Variants in LDLRAD4 observed in about 807,000 individuals in gnomAD.
LDLRAD4 encodes the protein low density lipoprotein receptor class A domain containing 4, also known as low-density lipoprotein receptor class A domain-containing protein 4.
A neutral mutation model predicts 17.0 loss-of-function variants in LDLRAD4; 5 were observed. The observed-to-expected ratio is 0.29, with a 90% CI of 0.15 to 0.62. The LOEUF (loss-of-function observed/expected upper bound fraction) is 0.62, where lower values mean the gene tolerates loss of function less well. Ranked by LOEUF, LDLRAD4 falls within the 20% of genes least tolerant of loss-of-function variation. The probability of loss-of-function intolerance (pLI) is 0.84; values close to 1 mark genes in which losing one functional copy is unlikely to be tolerated. For synonymous variants in LDLRAD4, 168 were observed against 171.8 expected (o/e 0.98, Z 0.17); for missense variants, 340 against 424.7 (o/e 0.80, Z 1.75).
intron 1 of LDLRAD4, among the ~76,000 whole-genome samples, chr18:13,253,812 A>G (rs2043354270): frequency 6.6e-6 from 1 of 152,180 alleles, no homozygotes; most frequent in East Asian, 1.9e-4. Flanking sequence ...TGGCCCTCAG[A>G]TGTCACTGAA....
chr18:13,460,812 T>G (rs760890323), intron 3 of LDLRAD4, among the ~76,000 whole-genome samples: 1 of 152,180 alleles, frequency 6.6e-6, no homozygotes, highest in Admixed American at 6.5e-5. Flanking sequence ...CTTCCTAAGA[T>G]AAACACAAAA....
At chr18:13,417,083 A>T (rs1451241620) in intron 2 of LDLRAD4, among the ~76,000 whole-genome samples, 3 of 152,188 alleles carry the variant, frequency 2.0e-5, no homozygotes, top group African/African-American at 7.2e-5. Flanking sequence ...ACTCTTAATC[A>T]CCTGTGCTAC....
intron 1 of LDLRAD4, among the ~76,000 whole-genome samples, chr18:13,319,337 G>A (rs1027845276): frequency 2.6e-5 from 4 of 152,028 alleles, no homozygotes; most frequent in Non-Finnish European, 5.9e-5. Flanking sequence ...GGCCCAGGTC[G>A]TGCAGCTGCT....
chr18:13,266,674 G>A (rs1423110723), intron 1 of LDLRAD4, among the ~76,000 whole-genome samples: 2 of 152,278 alleles, frequency 1.3e-5, no homozygotes, highest in Admixed American at 6.5e-5. Context: ...CCTGGCGATG[G>A]CTTCTCCGTG....
intron 1 of LDLRAD4, among the ~76,000 whole-genome samples, chr18:13,345,154 T>C (rs1401146383): frequency 6.6e-6 from 1 of 152,212 alleles, no homozygotes; most frequent in Non-Finnish European, 1.5e-5. Context: ...ATCCCTCTCT[T>C]GTGCCAGTTT....
chr18:13,638,848 A>C lies in LDLRAD4; in HGVS notation c.337-4511A>C, dbSNP rs9941436. On this transcript the variant is annotated intron_variant, in intron 4 of 5. Transcript: ENST00000359446. ...AGCCCCTGTCTCCCAGCCCTTGGGG[A>C]CATGCAGCACCAGTATCTGTTGGAC... Among the ~76,000 whole-genome samples the C allele has an allele frequency of 3.5e-3, 534 of 152,236 alleles. 9 individuals are homozygous for C. The highest frequency in any genetic ancestry group is 0.012 in the African/African-American group (518 of 41,544).
chr18:13,252,865 A>C (rs1448021353), intron 1 of LDLRAD4, among the ~76,000 whole-genome samples: 1 of 152,216 alleles, frequency 6.6e-6, no homozygotes, highest in African/African-American at 2.4e-5. Context: ...CGCTGTTCCT[A>C]GAATAGTGTC....
Position 13,645,293 on chromosome 18 carries a change from C to G in LDLRAD4, c.557C>G (p.Pro186Arg). 1.9e-6 allele frequency: 3 copies of G among 1,614,212 alleles called. No individual in the cohort carries two copies. Among genetic ancestry groups the G allele is most frequent in the Non-Finnish European group, 2.5e-6 (3 of 1,180,044 alleles). The change falls in exon 6 of 6, where the codon CCC becomes CGC. Residue 186 changes from proline (P) to arginine (R), a missense_variant. Pro to Arg is a moderately radical substitution (Grantham distance 103). Transcript: ENST00000359446. This position sits in a 1 kb window ranked among gnomAD's most constrained non-coding sequence, Gnocchi z 5.7. ...GAAGAGCCACCTCCTTACCAGGGGC[C>G]CTGCACCCTGCAGCTCCGGGACCCT...
chr18:13,513,386 A>G (rs1272066029), intron 3 of LDLRAD4, among the ~76,000 whole-genome samples: 1 of 152,244 alleles, frequency 6.6e-6, no homozygotes, highest in African/African-American at 2.4e-5. Flanking sequence ...GGCTAAACAC[A>G]AGATGTTTTT....
At chr18:13,538,366 T>G (rs1323758358) in intron 3 of LDLRAD4, among the ~76,000 whole-genome samples, 1 of 152,210 alleles carries the variant, frequency 6.6e-6, no homozygotes, top group Non-Finnish European at 1.5e-5. Context: ...AATTGTTTTA[T>G]TTTTACTGTG....
At chr18:13,642,404 T>A (rs977500961) in intron 4 of LDLRAD4, 1 of 1,098,472 alleles carries the variant, frequency 9.1e-7, no homozygotes, top group Non-Finnish European at 1.1e-6. Flanking sequence ...CGTACTTTTT[T>A]TCCCAGCACG....
intron 3 of LDLRAD4, among the ~76,000 whole-genome samples, chr18:13,550,270 G>A (rs966023695): frequency 6.6e-6 from 1 of 152,198 alleles, no homozygotes; most frequent in Non-Finnish European, 1.5e-5. Context: ...AGAGCCCTGA[G>A]CTGACAGACA....
intron 3 of LDLRAD4, among the ~76,000 whole-genome samples, chr18:13,576,460 A>AGAAT (rs1244975902): frequency 4.2e-5 from 3 of 72,188 alleles, no homozygotes; most frequent in African/African-American, 9.4e-5. Context: ...AAAGAAAGAA[A>AGAAT]TAAAGTGGAT....
chr18:13,569,433 T>C (rs1217454588), intron 3 of LDLRAD4, among the ~76,000 whole-genome samples: 1 of 152,224 alleles, frequency 6.6e-6, no homozygotes, highest in Non-Finnish European at 1.5e-5. Flanking sequence ...GATTCATAAG[T>C]CGGATGTTGC....
chr18:13,266,467 T>C (rs2044224619), intron 1 of LDLRAD4, among the ~76,000 whole-genome samples: 1 of 152,194 alleles, frequency 6.6e-6, no homozygotes, highest in Admixed American at 6.5e-5. Flanking sequence ...GGCTTGGCTT[T>C]CCTTTCCTTT....
chr18:13,226,248 C>T (rs907509605), intron 1 of LDLRAD4, among the ~76,000 whole-genome samples: 49 of 131,626 alleles, frequency 3.7e-4, no homozygotes, highest in Non-Finnish European at 5.9e-4. Context: ...CTCAAATTCC[C>T]GGGCTGAAGC....
At chr18:13,272,033 CTA>C (rs2044585012) in intron 1 of LDLRAD4, among the ~76,000 whole-genome samples, 1 of 151,742 alleles carries the variant, frequency 6.6e-6, no homozygotes, top group South Asian at 2.1e-4. Context: ...GGAGCTGGGA[CTA>C]CAGGTGCATG....
chr18:13,385,082 A>G (rs1198842625), intron 1 of LDLRAD4, among the ~76,000 whole-genome samples: 1 of 152,212 alleles, frequency 6.6e-6, no homozygotes, highest in Non-Finnish European at 1.5e-5. Flanking sequence ...AAATGGCTGT[A>G]CCAGTCTCCA....
rs2040685935 is a variant in LDLRAD4 at position 13,621,880 on chromosome 18, G to A, written c.336+609G>A. Among the ~76,000 whole-genome samples the A allele has an allele frequency of 6.6e-6, 1 of 151,994 alleles. No homozygotes were observed. The highest frequency in any genetic ancestry group is 2.4e-5 in the African/African-American group (1 of 41,412). On this transcript the variant is annotated intron_variant, in intron 4 of 5. Transcript: ENST00000359446. The surrounding 1 kb of genome is among the most constrained non-coding windows in gnomAD (Gnocchi z 5.5). ...GGAGGGTGGGGTTGTGGAGGGTGGG[G>A]TTGTCGGCGGTGGACCCTCAAGCCA...
Sources: gnomAD v4.1 joint callset for allele counts (sites outside exome capture counted in the v4.1 genomes callset) on GRCh38, gnomAD v4.1.1 for gene constraint, Gnocchi (gnomAD v3.1) non-coding constraint, MANE v1.5 for transcripts, NCBI Gene and HGNC (gene_info 2026-07-23, HGNC 2026-07-21) for gene names.